The following FOXP2 variants were observed in gnomAD, a reference collection of about 807,000 sequenced individuals.
FOXP2 encodes forkhead box P2.
FOXP2 carries 12 observed loss-of-function variants against 115.8 expected under a neutral mutation model. The observed-to-expected ratio is 0.10, with a 90% confidence interval of 0.07 to 0.17. The LOEUF is 0.17. FOXP2 is among the 10% of genes least tolerant of loss of function. The pLI is 1.00. For missense variants in FOXP2, 629 were observed against 843.5 expected (o/e 0.75, Z 3.15); for synonymous variants, 328 against 297.7 (o/e 1.10, Z -1.05).
At chr7:114,366,009 T>C (rs906919492) in intron 2 of FOXP2, among the ~76,000 whole-genome samples, 3 of 152,152 alleles carry the variant, frequency 2.0e-5, no homozygotes, top group African/African-American at 4.8e-5. Flanking sequence ...TACAGACCCA[T>C]TGACAATACA....
intron 2 of FOXP2, among the ~76,000 whole-genome samples, chr7:114,470,090 A>T (rs1362069970): frequency 6.6e-6 from 1 of 152,204 alleles, no homozygotes; most frequent in Non-Finnish European, 1.5e-5. Flanking sequence ...CCTACAAATG[A>T]AATAAATTTT....
intron 2 of FOXP2, among the ~76,000 whole-genome samples, chr7:114,519,735 C>G (rs748407760): frequency 6.6e-6 from 1 of 152,108 alleles, no homozygotes; most frequent in Non-Finnish European, 1.5e-5. Flanking sequence ...AATCTCCCTT[C>G]TATGGAATAG....
At chr7:114,187,728 T>A (rs1403469112) in intron 1 of FOXP2, among the ~76,000 whole-genome samples, 1 of 152,204 alleles carries the variant, frequency 6.6e-6, no homozygotes, top group East Asian at 1.9e-4. Flanking sequence ...CCAGTTTTTG[T>A]CTTAGTCTGT....
At chr7:114,505,518 C>CAGT (rs989334822) in intron 2 of FOXP2, among the ~76,000 whole-genome samples, 1 of 150,158 alleles carries the variant, frequency 6.7e-6, no homozygotes, top group African/African-American at 2.4e-5. Context: ...TAAATTATTT[C>CAGT]AGTAGTATTT....
chr7:114,666,717 A>T (rs1467911605), intron 16 of FOXP2: 1 of 152,204 alleles, frequency 6.6e-6, no homozygotes, highest in African/African-American at 2.4e-5. Flanking sequence ...GTGGTATCAG[A>T]ACATAGGTTG....
At chr7:114,503,246 C>G (rs1341291574) in intron 2 of FOXP2, among the ~76,000 whole-genome samples, 2 of 151,656 alleles carry the variant, frequency 1.3e-5, no homozygotes, top group Non-Finnish European at 3.0e-5. Flanking sequence ...CAAATTTGAC[C>G]TGACAAAATA....
intron 2 of FOXP2, among the ~76,000 whole-genome samples, chr7:114,518,265 G>A (rs189670629): frequency 1.1e-3 from 168 of 152,064 alleles, no homozygotes; most frequent in East Asian, 3.3e-3. Context: ...TCAAAACACC[G>A]CACAGTATTT....
At chr7:114,284,573 T>C (rs922292456) in intron 1 of FOXP2, among the ~76,000 whole-genome samples, 2 of 152,118 alleles carry the variant, frequency 1.3e-5, no homozygotes, top group African/African-American at 4.8e-5. Context: ...CCATAATCTA[T>C]GCTATGGAAA....
At chr7:114,471,814 G>T (rs1246413921) in intron 2 of FOXP2, among the ~76,000 whole-genome samples, 1 of 151,048 alleles carries the variant, frequency 6.6e-6, no homozygotes, top group East Asian at 1.9e-4. Flanking sequence ...AAAAAAATTA[G>T]CTGGGCATGG....
At position 114,688,208 on chromosome 7, in the gene FOXP2, TACAC is replaced by T. The variant is rs56751704; in HGVS notation, c.2004-1538_2004-1535del. Among the ~76,000 whole-genome samples, 148 of 115,360 alleles carry T rather than the reference TACAC, an allele frequency of 1.3e-3. 3 individuals are homozygous for T. Among genetic ancestry groups the T allele is most frequent in the African/African-American group, 3.5e-3 (102 of 29,318 alleles). The allele number at this position is 115,360 out of a possible 152,430, so 75.7% of individuals were successfully genotyped here. A position where few individuals can be genotyped will look rare whatever the true frequency, so the allele number is the denominator to read the frequency against. On this transcript the variant is annotated intron_variant, in intron 16 of 16. Coordinates refer to ENST00000350908, the MANE Select transcript of FOXP2 (RefSeq NM_014491.4). Reference sequence around the variant, plus strand: ...ACACACAAACACATGCATACATGCATACACACACACACACACACACACACACACA... The same window carrying T: ...ACACACAAACACATGCATACATGCATACACACACACACACACACACACACA...
chr7:114,478,680 CA>C (rs915936231), intron 2 of FOXP2, among the ~76,000 whole-genome samples: 7 of 151,694 alleles, frequency 4.6e-5, no homozygotes, highest in African/African-American at 1.7e-4. Flanking sequence ...TTAATATGGT[CA>C]AAGGGAGTAA....
chr7:114,642,627 A>G lies in FOXP2; in HGVS notation c.989+4A>G, dbSNP rs1236665310. The G allele has an allele frequency of 1.9e-6, 3 of 1,609,850 alleles. No homozygotes were observed. The highest frequency in any genetic ancestry group is 2.5e-6 in the Non-Finnish European group (3 of 1,176,632). ...TTCTAAGTGCAAGACGAGACAGGTA[A>G]ATCTCATGAGCTTTATTCTATATTT... is the stretch of plus-strand genomic sequence containing the variant. On this transcript the variant is annotated splice_donor_region_variant and intron_variant, in intron 7 of 16. Transcript: ENST00000350908.
chr7:114,444,042 AT>A (rs1794724253), intron 2 of FOXP2, among the ~76,000 whole-genome samples: 1 of 152,086 alleles, frequency 6.6e-6, no homozygotes, highest in South Asian at 2.1e-4. Flanking sequence ...GCCACCATAC[AT>A]TTTTTACTCA....
At chr7:114,487,859 G>T (rs549479000) in intron 2 of FOXP2, among the ~76,000 whole-genome samples, 72 of 152,212 alleles carry the variant, frequency 4.7e-4, no homozygotes, top group African/African-American at 1.6e-3. Context: ...TCTCTAGGAG[G>T]TTCCAAATTT....
At chr7:114,619,887 A>G (rs1804152214) in intron 3 of FOXP2, among the ~76,000 whole-genome samples, 1 of 152,114 alleles carries the variant, frequency 6.6e-6, no homozygotes, top group African/African-American at 2.4e-5. Context: ...TCATTCAGTC[A>G]TAGTATTATA....
At chr7:114,520,352 C>G (rs1467144169) in intron 2 of FOXP2, among the ~76,000 whole-genome samples, 1 of 151,990 alleles carries the variant, frequency 6.6e-6, no homozygotes, top group Non-Finnish European at 1.5e-5. Flanking sequence ...AAAGATAGAG[C>G]ATGACCAATG....
At chr7:114,490,376 A>G (rs1162024570) in intron 2 of FOXP2, among the ~76,000 whole-genome samples, 1 of 152,098 alleles carries the variant, frequency 6.6e-6, no homozygotes, top group Non-Finnish European at 1.5e-5. Context: ...AAAACTATGG[A>G]GATGTAAAAA....
chr7:114,574,031 C>A (rs1291272337), intron 3 of FOXP2, among the ~76,000 whole-genome samples: 1 of 151,688 alleles, frequency 6.6e-6, no homozygotes, highest in Non-Finnish European at 1.5e-5. Context: ...TGGCCATCCC[C>A]TGAGTATTGT....
intron 2 of FOXP2, among the ~76,000 whole-genome samples, chr7:114,472,162 T>A (rs1796078110): frequency 2.0e-5 from 3 of 152,006 alleles, no homozygotes; most frequent in Non-Finnish European, 4.4e-5. Context: ...GGTTTCTTTA[T>A]GCTACATGCA....
Sources: gnomAD v4.1 joint callset for allele counts (sites outside exome capture counted in the v4.1 genomes callset) on GRCh38, gnomAD v4.1.1 for gene constraint, MANE v1.5 for transcripts, NCBI Gene and HGNC (gene_info 2026-07-23, HGNC 2026-07-21) for gene names.